GMDS: variants seen among roughly 807,000 people sequenced by gnomAD.
The protein encoded by GMDS is GDP-mannose 4,6-dehydratase.
Under a neutral mutation model 49.9 loss-of-function variants are expected in GMDS, and 20 were observed. The observed-to-expected ratio is 0.40, with a 90% confidence interval of 0.28 to 0.58. The LOEUF is 0.58. Ranked by LOEUF, GMDS falls within the 20% of genes least tolerant of loss-of-function variation. The pLI is 0.42. For synonymous variants in GMDS, 177 were observed against 178.6 expected (o/e 0.99, Z 0.07); for missense variants, 362 against 481.4 (o/e 0.75, Z 2.32).
intron 7 of GMDS, among the ~76,000 whole-genome samples, chr6:1,784,022 AG>A (rs1330004731): frequency 1.3e-5 from 2 of 152,340 alleles, no homozygotes; most frequent in African/African-American, 4.8e-5. Context: ...ACTTCACTGA[AG>A]GCCTTAGTTA....
intron 1 of GMDS, among the ~76,000 whole-genome samples, chr6:2,205,210 A>G (rs1779750995): frequency 6.6e-6 from 1 of 152,224 alleles, no homozygotes; most frequent in Non-Finnish European, 1.5e-5. Flanking sequence ...CCAAGTTATC[A>G]GTGGATAGTT....
chr6:2,206,133 C>T (rs911558187), intron 1 of GMDS, among the ~76,000 whole-genome samples: 2 of 152,098 alleles, frequency 1.3e-5, no homozygotes, highest in African/African-American at 4.8e-5. Flanking sequence ...TGGCACATGC[C>T]TGTAATCCCA....
At position 1,680,534 on chromosome 6, in the gene GMDS, G is replaced by A. The variant is rs536293906; in HGVS notation, c.987+45882C>T. ...TAGTTCTGATCCGGCACCGTGACCTGACTTCTCACACGGAAAGCAGCGTGG... is the reference window on the plus strand; with the variant it reads ...TAGTTCTGATCCGGCACCGTGACCTAACTTCTCACACGGAAAGCAGCGTGG... On this transcript the variant is annotated intron_variant, in intron 9 of 10. Coordinates refer to ENST00000380815, the MANE Select transcript of GMDS (RefSeq NM_001500.4). Among the ~76,000 whole-genome samples the A allele has an allele frequency of 4.0e-4, 26 of 65,726 alleles. No individual in the cohort carries two copies. The East Asian group carries it at 6.8e-3, about 17-fold the overall frequency. 43.1% of individuals were successfully genotyped at this position (65,726 alleles called of 152,430 possible). A position where few individuals can be genotyped will look rare whatever the true frequency, so the allele number is the denominator to read the frequency against.
intron 9 of GMDS, among the ~76,000 whole-genome samples, chr6:1,711,590 CTG>C (rs1239120629): frequency 6.6e-6 from 1 of 152,212 alleles, no homozygotes; most frequent in East Asian, 1.9e-4. Context: ...TGCACCAAAT[CTG>C]TGTATTTGTG....
intron 4 of GMDS, among the ~76,000 whole-genome samples, chr6:2,040,122 T>C (rs752012149): frequency 1.3e-5 from 2 of 152,202 alleles, no homozygotes; most frequent in Non-Finnish European, 2.9e-5. Context: ...CACATAACTG[T>C]ACTTCCTCTA....
At chr6:2,128,841 G>C (rs1234566500) in intron 1 of GMDS, among the ~76,000 whole-genome samples, 3 of 152,228 alleles carry the variant, frequency 2.0e-5, no homozygotes, top group East Asian at 1.9e-4. Flanking sequence ...TCAGAGGAGG[G>C]AGAAAGGATA....
chr6:2,109,047 G>A (rs535361540), intron 4 of GMDS, among the ~76,000 whole-genome samples: 1 of 152,296 alleles, frequency 6.6e-6, no homozygotes, highest in East Asian at 1.9e-4. Context: ...ATTTCGAACA[G>A]CAGCTAAGGC....
At chr6:1,999,319 T>A (rs1766505077) in intron 4 of GMDS, among the ~76,000 whole-genome samples, 1 of 105,588 alleles carries the variant, frequency 9.5e-6, no homozygotes, top group South Asian at 3.1e-4. Flanking sequence ...AGACTCTGTC[T>A]CAAAAAAAAA....
At chr6:1,732,820 T>C (rs535036289) in intron 8 of GMDS, among the ~76,000 whole-genome samples, 11 of 152,114 alleles carry the variant, frequency 7.2e-5, no homozygotes, top group African/African-American at 2.4e-4. Context: ...TGAGAACTCC[T>C]GTAGAATGAT....
chr6:1,888,468 G>T lies in GMDS; in HGVS notation c.771+41635C>A, dbSNP rs1581310178. ...TCACTCACTATCGAAAGAACACCATGGGGGAAACGACCCCCATCATCCAGT... is the reference window on the plus strand; with the variant it reads ...TCACTCACTATCGAAAGAACACCATTGGGGAAACGACCCCCATCATCCAGT... On this transcript the variant is annotated intron_variant, in intron 7 of 10. Coordinates refer to ENST00000380815, the MANE Select transcript of GMDS (RefSeq NM_001500.4). Among the ~76,000 whole-genome samples the T allele has an allele frequency of 2.0e-5, 3 of 152,026 alleles. No individual in the cohort carries two copies. The South Asian group carries it at 6.2e-4, about 32-fold the overall frequency.
chr6:1,861,412 C>A (rs767209932), intron 7 of GMDS, among the ~76,000 whole-genome samples: 1 of 152,116 alleles, frequency 6.6e-6, no homozygotes, highest in Non-Finnish European at 1.5e-5. Context: ...TGTGGTGCAG[C>A]TGGGGATGGT....
intron 4 of GMDS, among the ~76,000 whole-genome samples, chr6:2,037,449 G>A (rs1288529304): frequency 1.3e-5 from 2 of 152,172 alleles, no homozygotes; most frequent in Non-Finnish European, 2.9e-5. Flanking sequence ...TGGACTCCCA[G>A]GACAGAGAAG....
chr6:1,834,522 C>G (rs1195108436), intron 7 of GMDS, among the ~76,000 whole-genome samples: 3 of 152,036 alleles, frequency 2.0e-5, no homozygotes, highest in Non-Finnish European at 4.4e-5. Context: ...CAACAAAATC[C>G]TTTATTTACA....
chr6:1,756,076 C>T (rs1250567523), intron 7 of GMDS, among the ~76,000 whole-genome samples: 1 of 152,098 alleles, frequency 6.6e-6, no homozygotes, highest in East Asian at 1.9e-4. Flanking sequence ...AAACAACAAC[C>T]CCCTCCAAAA....
chr6:1,946,884 C>A (rs1465720066), intron 6 of GMDS, among the ~76,000 whole-genome samples: 1 of 152,198 alleles, frequency 6.6e-6, no homozygotes, highest in East Asian at 1.9e-4. Context: ...AAGGAGCACT[C>A]AACTATTGCA....
intron 1 of GMDS, among the ~76,000 whole-genome samples, chr6:2,161,982 C>T (rs1239214468): frequency 6.6e-6 from 1 of 152,226 alleles, no homozygotes; most frequent in East Asian, 1.9e-4. Flanking sequence ...CAGAAAAAAA[C>T]AGAGCTGGTT....
intron 8 of GMDS, among the ~76,000 whole-genome samples, chr6:1,742,263 G>A (rs1213076107): frequency 6.6e-6 from 1 of 152,066 alleles, no homozygotes; most frequent in Non-Finnish European, 1.5e-5. Context: ...GGAAAAACTT[G>A]GTTTAGATGC....
chr6:1,709,793 G>C (rs1321769824), intron 9 of GMDS, among the ~76,000 whole-genome samples: 1 of 152,196 alleles, frequency 6.6e-6, no homozygotes, highest in Non-Finnish European at 1.5e-5. Flanking sequence ...ATGGGACTGA[G>C]AGTTATGTTT....
intron 7 of GMDS, among the ~76,000 whole-genome samples, chr6:1,850,446 A>ACCATTACCAGAAGG: frequency 6.6e-6 from 1 of 152,350 alleles, no homozygotes; most frequent in South Asian, 2.1e-4. Context: ...ATTTATCAGA[A>ACCATTACCAGAAGG]CTGGAAATGG....
Sources: allele counts gnomAD v4.1 joint callset (sites outside exome capture counted in the v4.1 genomes callset), GRCh38; gene constraint gnomAD v4.1.1; transcripts MANE v1.5; gene names NCBI Gene and HGNC (gene_info 2026-07-23, HGNC 2026-07-21).